The following CNTNAP3B variants were observed in gnomAD, a reference collection of about 807,000 sequenced individuals.
CNTNAP3B encodes the protein contactin-associated protein-like 3B.
Under a neutral mutation model 108.9 loss-of-function variants are expected in CNTNAP3B, and 25 were observed. The observed-to-expected ratio is 0.23, with a 90% CI of 0.17 to 0.32. The LOEUF is 0.32. CNTNAP3B is among the 10% of genes least tolerant of loss of function. The pLI, the probability that CNTNAP3B is intolerant of heterozygous loss-of-function variation, is 1.00. For missense variants in CNTNAP3B, 252 were observed against 1,210.4 expected (o/e 0.21, Z 11.75); for synonymous variants, 103 against 473.4 (o/e 0.22, Z 10.16).
intron 14 of CNTNAP3B, among the ~76,000 whole-genome samples, chr9:41,936,988 A>T (rs1401889068): frequency 6.6e-6 from 1 of 152,254 alleles, no homozygotes; most frequent in East Asian, 1.9e-4. Context: ...CAAATAAATA[A>T]GTGGACTACC....
At chr9:41,950,121 G>T (rs562985205) in intron 13 of CNTNAP3B, among the ~76,000 whole-genome samples, 1 of 103,926 alleles carries the variant, frequency 9.6e-6, no homozygotes, top group Non-Finnish European at 2.1e-5. Flanking sequence ...TATACAGATG[G>T]CAAATAAGCA....
intron 13 of CNTNAP3B, among the ~76,000 whole-genome samples, chr9:41,946,559 A>G (rs1413260763): frequency 2.0e-5 from 1 of 50,718 alleles, no homozygotes; most frequent in Non-Finnish European, 4.1e-5. Flanking sequence ...CTAAGCCAGT[A>G]ATTAATAACC....
At chr9:41,936,106 C>A (rs1284689000) in intron 14 of CNTNAP3B, among the ~76,000 whole-genome samples, 2 of 152,296 alleles carry the variant, frequency 1.3e-5, no homozygotes, top group African/African-American at 2.4e-5. Context: ...ATAGTGAAAC[C>A]CAGTCTCTAC....
chr9:41,963,672 C>A (rs1158071288), intron 11 of CNTNAP3B, among the ~76,000 whole-genome samples: 4 of 151,540 alleles, frequency 2.6e-5, no homozygotes, highest in African/African-American at 9.7e-5. Context: ...AGAGTCTTTA[C>A]TTGCAACAGG....
chr9:42,116,664 C>T (rs1172327318), intron 1 of CNTNAP3B, among the ~76,000 whole-genome samples: 1 of 139,598 alleles, frequency 7.2e-6, no homozygotes, highest in Non-Finnish European at 1.5e-5. Flanking sequence ...ATCAAATTCA[C>T]ACATAACAAT....
chr9:41,960,640 T>C (rs1170483408), intron 12 of CNTNAP3B, 133 bp downstream of exon 12: 1 of 1,425,744 alleles, frequency 7.0e-7, no homozygotes, highest in Admixed American at 2.5e-5. Context: ...GACAACAAAA[T>C]TAATAAATAC....
chr9:42,115,603 G>A (rs982739798), intron 1 of CNTNAP3B, among the ~76,000 whole-genome samples: 1 of 128,124 alleles, frequency 7.8e-6, no homozygotes, highest in South Asian at 2.6e-4. Context: ...GGCAAACAGG[G>A]TCTGGACTGG....
intron 2 of CNTNAP3B, among the ~76,000 whole-genome samples, chr9:42,095,746 T>C (rs544221195): frequency 7.2e-6 from 1 of 138,178 alleles, no homozygotes; most frequent in East Asian, 2.2e-4. Context: ...AGTTCGTGTC[T>C]GTATTGGTCG....
chr9:41,967,632 G>T lies in CNTNAP3B; in HGVS notation c.1649+2442C>A, dbSNP rs577319614. On this transcript the variant is annotated intron_variant, in intron 10 of 23. Transcript: ENST00000377561. ...TAAAAGTGAATTTTCAGTATTTTCA[G>T]GTTTTCAAAACTTTATGTAAAGGGA... Among the ~76,000 whole-genome samples, 4 of 152,406 alleles carry T rather than the reference G, an allele frequency of 2.6e-5. No homozygotes were observed. The East Asian group carries it at 7.7e-4, about 29-fold the overall frequency.
At chr9:42,047,560 A>G (rs369050324) in intron 3 of CNTNAP3B, among the ~76,000 whole-genome samples, 2,011 of 33,764 alleles carry the variant, frequency 0.06, no homozygotes, top group East Asian at 0.12. Flanking sequence ...TGAGATGAAA[A>G]CATTCAGACT....
In CNTNAP3B at chr9:42,109,081, C is replaced by T. The variant is rs570378120; in HGVS notation, c.86-4342G>A. Among the ~76,000 whole-genome samples the T allele has an allele frequency of 8.2e-4, 113 of 138,404 alleles. 19 individuals carry two copies. Among genetic ancestry groups the T allele is most frequent in the Non-Finnish European group, 1.5e-3 (100 of 64,582 alleles). 90.8% of individuals were successfully genotyped at this position (138,404 alleles called of 152,430 possible). On this transcript the variant is annotated intron_variant, in intron 1 of 23. Coordinates refer to ENST00000377561, the MANE Select transcript of CNTNAP3B (RefSeq NM_001201380.3). Reference sequence around the variant, plus strand: ...TGATATACTTTTCAAAACAGCATTTCATTTGAGTATGTTAATTCTTGCACT... The same window carrying T: ...TGATATACTTTTCAAAACAGCATTTTATTTGAGTATGTTAATTCTTGCACT...
At chr9:41,965,502 C>G (rs1350264226) in intron 10 of CNTNAP3B, among the ~76,000 whole-genome samples, 2 of 151,148 alleles carry the variant, frequency 1.3e-5, no homozygotes, top group Non-Finnish European at 2.9e-5. Context: ...CTTCTGGAGG[C>G]CTGGCCTGAA....
chr9:41,915,998 C>T (rs1823507651), intron 18 of CNTNAP3B, among the ~76,000 whole-genome samples: 1 of 151,480 alleles, frequency 6.6e-6, no homozygotes, highest in Non-Finnish European at 1.5e-5. Flanking sequence ...TTCTACATAG[C>T]TCTATTTCTT....
At chr9:41,942,295 G>T (rs1468265945) in intron 13 of CNTNAP3B, among the ~76,000 whole-genome samples, 9 of 152,380 alleles carry the variant, frequency 5.9e-5, no homozygotes, top group Non-Finnish European at 8.8e-5. Flanking sequence ...CTAACATGGT[G>T]AAACCCCATC....
At chr9:42,119,923 T>A (rs1828420375) in intron 1 of CNTNAP3B, among the ~76,000 whole-genome samples, 1 of 139,938 alleles carries the variant, frequency 7.1e-6, no homozygotes, top group Non-Finnish European at 1.5e-5. Flanking sequence ...GGGCAAGGAC[T>A]TCATGTCTAA....
intron 2 of CNTNAP3B, among the ~76,000 whole-genome samples, chr9:42,086,180 C>T (rs1375267394): frequency 2.1e-5 from 3 of 142,394 alleles, no homozygotes; most frequent in South Asian, 2.2e-4. Context: ...AAAGGGGGTC[C>T]CCCTTATAAA....
At chr9:42,096,474 G>GAGA (rs1827902693) in intron 2 of CNTNAP3B, among the ~76,000 whole-genome samples, 1 of 138,132 alleles carries the variant, frequency 7.2e-6, no homozygotes, top group Non-Finnish European at 1.5e-5. Context: ...CACAGTCTCT[G>GAGA]CAATGATCCC....
At chr9:41,932,664 C>G (rs1428891218) in intron 14 of CNTNAP3B, among the ~76,000 whole-genome samples, 1 of 152,162 alleles carries the variant, frequency 6.6e-6, no homozygotes, top group Non-Finnish European at 1.5e-5. Flanking sequence ...GGATTACATG[C>G]GTGCGCCACT....
intron 10 of CNTNAP3B, among the ~76,000 whole-genome samples, 197 bp downstream of exon 10, chr9:41,969,877 G>A (rs1252631789): frequency 2.1e-5 from 3 of 144,474 alleles, no homozygotes; most frequent in African/African-American, 7.9e-5. Context: ...GCCAGCCTCA[G>A]CCGCATTACA....
Sources: allele counts gnomAD v4.1 joint callset (sites outside exome capture counted in the v4.1 genomes callset), GRCh38; gene constraint gnomAD v4.1.1; transcripts MANE v1.5; gene names NCBI Gene and HGNC (gene_info 2026-07-23, HGNC 2026-07-21).